SLC35F1: variants seen among roughly 807,000 people sequenced by gnomAD.
SLC35F1 encodes solute carrier family 35 member F1.
A neutral mutation model predicts 48.7 loss-of-function variants in SLC35F1; 14 were observed. The ratio of observed to expected loss-of-function variants is 0.29; its 90% confidence interval spans 0.19 to 0.45. The LOEUF is 0.45. Ranked by LOEUF, SLC35F1 falls within the 20% of genes least tolerant of loss-of-function variation. The pLI is 1.00. For synonymous variants in SLC35F1, 190 were observed against 202.2 expected, an observed-to-expected ratio of 0.94 and a Z score of 0.51; for missense variants, 404 against 500.0, an observed-to-expected ratio of 0.81 and a Z score of 1.83.
intron 2 of SLC35F1, among the ~76,000 whole-genome samples, chr6:118,220,704 G>C (rs1223925765): frequency 6.6e-6 from 1 of 152,196 alleles, no homozygotes; most frequent in African/African-American, 2.4e-5. Flanking sequence ...CTGTGTAAGA[G>C]AATCAAGTTT....
At chr6:117,995,570 G>GTC (rs1442155071) in intron 1 of SLC35F1, among the ~76,000 whole-genome samples, 1 of 151,746 alleles carries the variant, frequency 6.6e-6, no homozygotes, top group African/African-American at 2.4e-5. Flanking sequence ...GTGAAACCCC[G>GTC]TCTCTACTAA....
At chr6:118,051,989 A>C (rs1434384558) in intron 1 of SLC35F1, among the ~76,000 whole-genome samples, 2 of 152,054 alleles carry the variant, frequency 1.3e-5, no homozygotes, top group Non-Finnish European at 2.9e-5. Context: ...CATGTTCCAA[A>C]CTACCTTCCA....
chr6:118,093,296 A>G (rs1773103430), intron 1 of SLC35F1, among the ~76,000 whole-genome samples: 1 of 152,092 alleles, frequency 6.6e-6, no homozygotes, highest in Non-Finnish European at 1.5e-5. Flanking sequence ...AGCCTGGGTG[A>G]CAGAGCGAGA....
intron 7 of SLC35F1, among the ~76,000 whole-genome samples, chr6:118,287,848 AT>A (rs1776069700): frequency 6.6e-6 from 1 of 152,180 alleles, no homozygotes. Flanking sequence ...TCATTTGTAT[AT>A]TACTATTCAT....
At chr6:118,039,830 T>C (rs1772188463) in intron 1 of SLC35F1, among the ~76,000 whole-genome samples, 1 of 125,644 alleles carries the variant, frequency 8.0e-6, no homozygotes, top group Admixed American at 8.7e-5. Flanking sequence ...TGCTTCAGAC[T>C]GGCTTACTTA....
Position 118,314,507 on chromosome 6 carries a change from A to T in SLC35F1, c.*255A>T, listed in dbSNP as rs1776409010. On this transcript the variant is annotated 3_prime_UTR_variant, in exon 8 of 8. Coordinates refer to ENST00000360388, the MANE Select transcript of SLC35F1 (RefSeq NM_001029858.4). ...AACTCCCCTGCATTCATTACTGTGAAAATTTTTGAATCAAAAGCAAGTATT... is the reference window on the plus strand; with the variant it reads ...AACTCCCCTGCATTCATTACTGTGATAATTTTTGAATCAAAAGCAAGTATT... 1 of 482,784 alleles carries T rather than the reference A, an allele frequency of 2.1e-6. No individual in the cohort carries two copies. Among genetic ancestry groups the T allele is most frequent in the African/African-American group, 1.9e-5 (1 of 52,438 alleles). 29.9% of individuals were successfully genotyped at this position (482,784 alleles called of 1,614,324 possible).
intron 1 of SLC35F1, among the ~76,000 whole-genome samples, chr6:117,927,165 G>A: frequency 6.6e-6 from 1 of 152,212 alleles, no homozygotes; most frequent in Non-Finnish European, 1.5e-5. Flanking sequence ...ATAGTTCTTG[G>A]CACCATGCCT....
intron 1 of SLC35F1, among the ~76,000 whole-genome samples, chr6:117,965,232 C>T (rs1455368288): frequency 6.6e-6 from 1 of 152,150 alleles, no homozygotes; most frequent in Non-Finnish European, 1.5e-5. Context: ...CAGTTTCCAC[C>T]ACCACTGCTT....
At chr6:117,927,235 C>T (rs1011824374) in intron 1 of SLC35F1, among the ~76,000 whole-genome samples, 5 of 152,150 alleles carry the variant, frequency 3.3e-5, no homozygotes, top group Admixed American at 6.5e-5. Flanking sequence ...AAGGAAGAAG[C>T]ACAAGAATGA....
intron 4 of SLC35F1, among the ~76,000 whole-genome samples, chr6:118,274,988 A>G (rs960185736): frequency 2.0e-5 from 3 of 152,150 alleles, no homozygotes; most frequent in Non-Finnish European, 4.4e-5. Context: ...TCCTGAAACC[A>G]ATATAACTTG....
At chr6:118,107,668 A>G (rs1348623067) in intron 1 of SLC35F1, among the ~76,000 whole-genome samples, 1 of 152,086 alleles carries the variant, frequency 6.6e-6, no homozygotes, top group African/African-American at 2.4e-5. Context: ...TATCAAAATA[A>G]TACTGTCCAC....
chr6:118,188,081 G>T (rs549512564), intron 2 of SLC35F1, among the ~76,000 whole-genome samples: 3 of 152,190 alleles, frequency 2.0e-5, no homozygotes, highest in Admixed American at 1.3e-4. Context: ...ACACAGAGTC[G>T]CAGATTGAAG....
chr6:118,314,250 T>TAGGGTGAGGCCC lies in SLC35F1; in HGVS notation c.1226_*10dup, dbSNP rs1156341193. 1 of 1,614,116 alleles carries TAGGGTGAGGCCC rather than the reference T, an allele frequency of 6.2e-7. No homozygotes were observed. The highest frequency in any genetic ancestry group is 1.7e-5 in the Admixed American group (1 of 60,028). On this transcript the variant is annotated inframe_insertion and stop_retained_variant, in exon 8 of 8. Transcript: ENST00000360388. ...AGAGGAGCCTCATGTTCGTGTGGCC[T>TAGGGTGAGGCCC]AGGGTGAGGCCCGCCCTGCCAACTG...
At chr6:118,029,857 A>C (rs556803050) in intron 1 of SLC35F1, among the ~76,000 whole-genome samples, 68 of 152,332 alleles carry the variant, frequency 4.5e-4, no homozygotes, top group African/African-American at 1.6e-3. Flanking sequence ...GGGGAACTAT[A>C]GTATGCCACA....
At chr6:118,000,231 C>G (rs1300995777) in intron 1 of SLC35F1, among the ~76,000 whole-genome samples, 2 of 152,154 alleles carry the variant, frequency 1.3e-5, no homozygotes, top group Non-Finnish European at 2.9e-5. Context: ...TCCAGCAGCA[C>G]ATCAAAAAGC....
At chr6:118,286,140 C>T (rs1776046353) in intron 7 of SLC35F1, among the ~76,000 whole-genome samples, 1 of 152,104 alleles carries the variant, frequency 6.6e-6, no homozygotes, top group African/African-American at 2.4e-5. Context: ...GACTATGACC[C>T]AGTGTGAAAC....
intron 1 of SLC35F1, among the ~76,000 whole-genome samples, chr6:118,069,650 CTCTAGCTAATA>C (rs1772669611): frequency 6.6e-6 from 1 of 152,172 alleles, no homozygotes; most frequent in South Asian, 2.1e-4. Flanking sequence ...TTGTTGGCTT[CTCTAGCTAATA>C]TCTAGCTATT....
chr6:118,182,606 C>A (rs1774598440), intron 2 of SLC35F1, among the ~76,000 whole-genome samples: 1 of 151,116 alleles, frequency 6.6e-6, no homozygotes, highest in Admixed American at 6.6e-5. Context: ...TGGCTCACTC[C>A]TGAAATCTCA....
At chr6:118,078,984 T>C (rs1772866046) in intron 1 of SLC35F1, among the ~76,000 whole-genome samples, 1 of 152,192 alleles carries the variant, frequency 6.6e-6, no homozygotes. Context: ...TGCTGGTCCT[T>C]TTGTCAGGCC....
Sources: allele counts gnomAD v4.1 joint callset (sites outside exome capture counted in the v4.1 genomes callset), GRCh38; gene constraint gnomAD v4.1.1; transcripts MANE v1.5; gene names NCBI Gene and HGNC (gene_info 2026-07-23, HGNC 2026-07-21).